Variants in NRG1 observed in about 807,000 individuals in gnomAD.
NRG1 encodes the protein neuregulin 1, also known as pro-neuregulin-1, membrane-bound isoform.
Under a neutral mutation model 63.8 loss-of-function variants are expected in NRG1, and 18 were observed. That is an observed-to-expected ratio of 0.28 (90% CI 0.19 to 0.42). The LOEUF (loss-of-function observed/expected upper bound fraction) is 0.42, where lower values mean the gene tolerates loss of function less well. Ranked by LOEUF, NRG1 falls within the 10% of genes least tolerant of loss-of-function variation. The pLI, the probability that NRG1 is intolerant of heterozygous loss-of-function variation, is 1.00. For missense variants in NRG1, 762 were observed against 814.7 expected (o/e 0.94, Z 0.79); for synonymous variants, 302 against 301.3 (o/e 1.00, Z -0.02).
At chr8:32,032,220 CAT>C (rs1434295341) in intron 1 of NRG1, among the ~76,000 whole-genome samples, 3 of 151,812 alleles carry the variant, frequency 2.0e-5, no homozygotes. Flanking sequence ...GAACTTTTTT[CAT>C]ATGTTTGTTA....
At chr8:32,100,723 G>A (rs543302642) in intron 1 of NRG1, among the ~76,000 whole-genome samples, 1 of 152,052 alleles carries the variant, frequency 6.6e-6, no homozygotes, top group Non-Finnish European at 1.5e-5. Flanking sequence ...GCCATTGACG[G>A]GAGAACAAAG....
intron 1 of NRG1, among the ~76,000 whole-genome samples, chr8:31,956,299 A>G (rs549993179): frequency 1.4e-4 from 22 of 152,192 alleles, no homozygotes; most frequent in African/African-American, 4.8e-4. Context: ...GTGACTTTGT[A>G]AGTGGGAAGA....
At chr8:32,139,665 A>G (rs1835990179) in intron 1 of NRG1, among the ~76,000 whole-genome samples, 1 of 152,190 alleles carries the variant, frequency 6.6e-6, no homozygotes, top group Non-Finnish European at 1.5e-5. Context: ...GGTAAGATTC[A>G]ATGCTTGGGT....
At chr8:31,772,336 C>T (rs545276380) in intron 1 of NRG1, among the ~76,000 whole-genome samples, 41 of 152,222 alleles carry the variant, frequency 2.7e-4, no homozygotes, top group Non-Finnish European at 5.6e-4. Context: ...GACCTGTCTT[C>T]TGTTCTTCGT....
intron 1 of NRG1, among the ~76,000 whole-genome samples, chr8:31,785,556 T>G (rs1820089941): frequency 1.3e-5 from 2 of 152,204 alleles, no homozygotes; most frequent in African/African-American, 2.4e-5. Context: ...TAAAGCATGA[T>G]TTGAAAGAGA....
At chr8:31,654,615 A>G (rs1379403784) in intron 1 of NRG1, among the ~76,000 whole-genome samples, 1 of 152,202 alleles carries the variant, frequency 6.6e-6, no homozygotes, top group East Asian at 1.9e-4. Flanking sequence ...ATATCTCTTC[A>G]TTAAAATGGA....
At chr8:32,635,603 C>G (rs1243392363) in intron 5 of NRG1, among the ~76,000 whole-genome samples, 1 of 152,108 alleles carries the variant, frequency 6.6e-6, no homozygotes, top group Non-Finnish European at 1.5e-5. Flanking sequence ...TCCCCCACCA[C>G]AGGTTATTGT....
chr8:32,668,541 A>G (rs965725383), intron 5 of NRG1, among the ~76,000 whole-genome samples: 21 of 152,200 alleles, frequency 1.4e-4, no homozygotes, highest in Non-Finnish European at 1.5e-4. Flanking sequence ...TTCACCACAC[A>G]GCTGTCTCAC....
intron 5 of NRG1, among the ~76,000 whole-genome samples, chr8:32,668,806 A>G (rs2439319): frequency 0.81 from 122,959 of 152,146 alleles, 51,166 homozygotes; most frequent in East Asian, 1. Context: ...GAAAAAAGAT[A>G]AGAACATGTT....
chr8:32,331,029 A>C (rs1225212925), intron 1 of NRG1, among the ~76,000 whole-genome samples: 1 of 152,016 alleles, frequency 6.6e-6, no homozygotes, highest in Non-Finnish European at 1.5e-5. Context: ...GAGAGTTTCT[A>C]TTAGTCCTCC....
intron 1 of NRG1, among the ~76,000 whole-genome samples, chr8:32,143,141 G>A (rs560220164): frequency 6.6e-6 from 1 of 152,232 alleles, no homozygotes; most frequent in East Asian, 1.9e-4. Context: ...GTCAGCTTGG[G>A]GACAGTGGGA....
At chr8:32,444,726 A>G (rs147841186) in intron 1 of NRG1, among the ~76,000 whole-genome samples, 8 of 152,304 alleles carry the variant, frequency 5.3e-5, no homozygotes, top group Non-Finnish European at 1.0e-4. Context: ...AAGTCTCACA[A>G]TTTTGTCAAA....
chr8:31,968,606 C>A (rs901224547), intron 1 of NRG1, among the ~76,000 whole-genome samples: 2 of 152,142 alleles, frequency 1.3e-5, no homozygotes, highest in Non-Finnish European at 2.9e-5. Context: ...CCAGTAGTTG[C>A]CTGACTTTTC....
intron 1 of NRG1, among the ~76,000 whole-genome samples, chr8:31,657,342 G>C (rs376126323): frequency 6.6e-6 from 1 of 152,172 alleles, no homozygotes; most frequent in African/African-American, 2.4e-5. Flanking sequence ...GGGAAGACAA[G>C]TTCTGAAACC....
intron 5 of NRG1, among the ~76,000 whole-genome samples, chr8:32,641,008 T>C (rs1230184279): frequency 6.6e-6 from 1 of 151,848 alleles, no homozygotes; most frequent in African/African-American, 2.4e-5. Flanking sequence ...CCAGGCATGG[T>C]GGCATGCACC....
At chr8:32,388,898 T>C (rs1262865326) in intron 1 of NRG1, among the ~76,000 whole-genome samples, 1 of 152,210 alleles carries the variant, frequency 6.6e-6, no homozygotes, top group Non-Finnish European at 1.5e-5. Context: ...TAATGTTAAA[T>C]GTACCCATAT....
At chr8:32,463,896 T>G (rs1425103073) in intron 1 of NRG1, among the ~76,000 whole-genome samples, 3 of 73,194 alleles carry the variant, frequency 4.1e-5, no homozygotes, top group African/African-American at 9.5e-5. Context: ...TTTTTTTTTT[T>G]TTTTTTTTTT....
At chr8:32,177,245 A>G (rs1280409550) in intron 1 of NRG1, among the ~76,000 whole-genome samples, 1 of 149,762 alleles carries the variant, frequency 6.7e-6, no homozygotes. Flanking sequence ...ACCAAACACC[A>G]CATGTTCTCA....
At chr8:32,592,143 T>C (rs911500674) in intron 1 of NRG1, among the ~76,000 whole-genome samples, 4 of 151,738 alleles carry the variant, frequency 2.6e-5, no homozygotes, top group African/African-American at 9.7e-5. Flanking sequence ...AGCATGTATA[T>C]GTGTAAATGT....
Sources: allele counts gnomAD v4.1 joint callset (sites outside exome capture counted in the v4.1 genomes callset), GRCh38; gene constraint gnomAD v4.1.1; transcripts MANE v1.5; gene names NCBI Gene and HGNC (gene_info 2026-07-23, HGNC 2026-07-21).